Variants in PRKCB observed in about 807,000 individuals in gnomAD.
PRKCB encodes the protein protein kinase C beta.
In PRKCB, 13 loss-of-function variants were observed where a neutral mutation model predicts 81.5. That is an observed-to-expected ratio of 0.16 (90% CI 0.10 to 0.25). The LOEUF is 0.25. Among genes scored for constraint, PRKCB ranks in the 10% least tolerant of loss-of-function variants. The pLI, the probability that PRKCB is intolerant of heterozygous loss-of-function variation, is 1.00. For synonymous variants in PRKCB, 335 were observed against 321.4 expected (o/e 1.04, Z -0.45); for missense variants, 509 against 875.7 (o/e 0.58, Z 5.29).
Position 24,218,602 on chromosome 16 carries a change from A to G in PRKCB, c.*3786A>G, listed in dbSNP as rs1968270157. The G allele has an allele frequency of 1.0e-6, 1 of 985,340 alleles. No homozygotes were observed. The highest frequency in any genetic ancestry group is 1.2e-6 in the Non-Finnish European group (1 of 829,988). 61.0% of individuals were successfully genotyped at this position (985,340 alleles called of 1,614,324 possible). A position where few individuals can be genotyped will look rare whatever the true frequency, so the allele number is the denominator to read the frequency against. On this transcript the variant is annotated 3_prime_UTR_variant, in exon 17 of 17. Transcript: ENST00000643927. The stretch of plus-strand genomic sequence containing the variant: ...TATCTCAGGGGAGCAGCCACAAAGA[A>G]GCAAGTCTTGTAAAAGGTCTTTTGC...
chr16:24,021,188 C>CTCTT (rs58292773), intron 3 of PRKCB, among the ~76,000 whole-genome samples: 1,195 of 62,078 alleles, frequency 0.019, 40 homozygotes, highest in Middle Eastern at 0.031. Context: ...CCCTTCCTTC[C>CTCTT]TCTTTCTTTC....
At chr16:24,143,026 TG>T (rs1410130138) in intron 9 of PRKCB, among the ~76,000 whole-genome samples, 1 of 152,146 alleles carries the variant, frequency 6.6e-6, no homozygotes. Context: ...CTCCCCAAGT[TG>T]ACCTCAGTTT....
intron 2 of PRKCB, among the ~76,000 whole-genome samples, chr16:23,960,753 T>C (rs945416604): frequency 1.3e-5 from 2 of 152,218 alleles, no homozygotes; most frequent in East Asian, 3.8e-4. Flanking sequence ...TAGGCTTCCT[T>C]CCCTTCACTG....
At chr16:23,925,425 C>T (rs1268358321) in intron 2 of PRKCB, among the ~76,000 whole-genome samples, 1 of 152,026 alleles carries the variant, frequency 6.6e-6, no homozygotes, top group Non-Finnish European at 1.5e-5. Flanking sequence ...ACGTGACCCT[C>T]CTCTCGTTAA....
intron 2 of PRKCB, among the ~76,000 whole-genome samples, chr16:23,982,557 G>A (rs1274976912): frequency 6.6e-6 from 1 of 151,686 alleles, no homozygotes; most frequent in East Asian, 1.9e-4. Flanking sequence ...AGCTTCCCAA[G>A]TAGCTGGGAC....
chr16:24,169,878 G>A (rs917464799), intron 10 of PRKCB, among the ~76,000 whole-genome samples: 1 of 152,098 alleles, frequency 6.6e-6, no homozygotes, highest in Admixed American at 6.5e-5. Context: ...CCAGGTTCAA[G>A]CAACTCTGCT....
chr16:24,106,511 A>G (rs1966581459), intron 7 of PRKCB, among the ~76,000 whole-genome samples: 1 of 152,190 alleles, frequency 6.6e-6, no homozygotes, highest in South Asian at 2.1e-4. Flanking sequence ...TTTTTCACCT[A>G]AAAATAATCC....
At chr16:24,182,583 T>A (rs1030980920) in intron 13 of PRKCB, among the ~76,000 whole-genome samples, 1 of 152,168 alleles carries the variant, frequency 6.6e-6, no homozygotes, top group African/African-American at 2.4e-5. Context: ...CAAGTCTTAT[T>A]TGATCCTCAT....
chr16:24,000,649 C>T (rs943895283), intron 3 of PRKCB, among the ~76,000 whole-genome samples: 2 of 152,200 alleles, frequency 1.3e-5, no homozygotes, highest in Admixed American at 6.5e-5. Context: ...GCGCTTGGCA[C>T]AGTGCATAGC....
chr16:24,105,506 A>G (rs2141911273), intron 7 of PRKCB, among the ~76,000 whole-genome samples: 1 of 152,096 alleles, frequency 6.6e-6, no homozygotes. Flanking sequence ...TGCATTAGGT[A>G]TTTGTCTTAA....
chr16:23,922,558 T>C (rs903347668), intron 2 of PRKCB, among the ~76,000 whole-genome samples: 6 of 152,242 alleles, frequency 3.9e-5, no homozygotes, highest in Non-Finnish European at 8.8e-5. Context: ...TGTGTGATGA[T>C]AGCATGTGAA....
chr16:24,191,302 C>A, intron 16 of PRKCB, 72 bp downstream of exon 16: 1 of 1,562,244 alleles, frequency 6.4e-7, no homozygotes, highest in Non-Finnish European at 8.8e-7. Flanking sequence ...TCATGTTTTC[C>A]AAATGCTCCC....
chr16:24,132,656 C>T (rs1412856820), intron 9 of PRKCB, among the ~76,000 whole-genome samples: 1 of 152,140 alleles, frequency 6.6e-6, no homozygotes, highest in Non-Finnish European at 1.5e-5. Context: ...CTGTTGTCCC[C>T]ATTTTACAGA....
chr16:24,109,552 C>G (rs7184267), intron 7 of PRKCB, among the ~76,000 whole-genome samples: 63,931 of 103,530 alleles, frequency 0.62, 20,075 homozygotes, highest in Non-Finnish European at 0.64. Context: ...ATGTGATGGC[C>G]GCCCGGCAGA....
At chr16:24,128,686 T>A (rs1012248858) in intron 9 of PRKCB, among the ~76,000 whole-genome samples, 12 of 152,350 alleles carry the variant, frequency 7.9e-5, no homozygotes, top group Admixed American at 7.8e-4. Context: ...AACGTGTCAT[T>A]CACGTTTAAA....
chr16:23,950,132 A>AGTTTTGT (rs55986931), intron 2 of PRKCB, among the ~76,000 whole-genome samples: 1 of 97,760 alleles, frequency 1.0e-5, no homozygotes, highest in Non-Finnish European at 2.0e-5. Flanking sequence ...TATGATTTGA[A>AGTTTTGT]TTTTTTTTTT....
At chr16:23,981,519 G>A (rs1964702383) in intron 2 of PRKCB, among the ~76,000 whole-genome samples, 1 of 152,058 alleles carries the variant, frequency 6.6e-6, no homozygotes, top group South Asian at 2.1e-4. Context: ...GGGGGTAGGG[G>A]ATGGGAACAT....
At chr16:24,127,402 G>A (rs964634051) in intron 9 of PRKCB, among the ~76,000 whole-genome samples, 11 of 152,264 alleles carry the variant, frequency 7.2e-5, no homozygotes, top group Non-Finnish European at 1.3e-4. Flanking sequence ...CCAAGTTCAC[G>A]TCTTTCTCTG....
At chr16:24,081,252 C>CT (rs1966245679) in intron 5 of PRKCB, among the ~76,000 whole-genome samples, 1 of 150,394 alleles carries the variant, frequency 6.6e-6, no homozygotes, top group African/African-American at 2.5e-5. Context: ...AGAATGCAAG[C>CT]TGGCTTAATA....
Sources: allele counts gnomAD v4.1 joint callset (sites outside exome capture counted in the v4.1 genomes callset), GRCh38; gene constraint gnomAD v4.1.1; transcripts MANE v1.5; gene names NCBI Gene and HGNC (gene_info 2026-07-23, HGNC 2026-07-21).